The following SEMA5A variants were observed in gnomAD, a reference collection of about 807,000 sequenced individuals.
SEMA5A encodes semaphorin 5A, also known as semaphorin-5A.
In SEMA5A, 55 loss-of-function variants were observed where a neutral mutation model predicts 135.5. The ratio of observed to expected loss-of-function variants is 0.41; its 90% CI spans 0.33 to 0.51. The LOEUF is 0.51. Among genes scored for constraint, SEMA5A ranks in the 20% least tolerant of loss-of-function variants. The probability of loss-of-function intolerance (pLI) is 0.37; values close to 1 mark genes in which losing one functional copy is unlikely to be tolerated. For synonymous variants in SEMA5A, 580 were observed against 546.5 expected, an observed-to-expected ratio of 1.06 and a Z score of -0.85; for missense variants, 1,290 against 1,419.9, an observed-to-expected ratio of 0.91 and a Z score of 1.47.
At chr5:9,087,252 A>AC (rs1481689277) in intron 16 of SEMA5A, among the ~76,000 whole-genome samples, 2 of 152,252 alleles carry the variant, frequency 1.3e-5, no homozygotes, top group Non-Finnish European at 2.9e-5. Context: ...ATTGCAATTA[A>AC]AATAGTCAGG....
intron 1 of SEMA5A, among the ~76,000 whole-genome samples, chr5:9,482,894 T>C (rs1759929668): frequency 6.6e-6 from 1 of 152,234 alleles, no homozygotes; most frequent in Admixed American, 6.5e-5. Context: ...AGAAACTGAA[T>C]GGAGATTGTT....
chr5:9,067,390 C>T (rs962794611), intron 16 of SEMA5A, among the ~76,000 whole-genome samples: 4 of 152,076 alleles, frequency 2.6e-5, no homozygotes, highest in African/African-American at 9.7e-5. Flanking sequence ...GCTGCAGACA[C>T]AGAGCCCAAC....
chr5:9,334,436 A>G (rs923365144), intron 4 of SEMA5A, among the ~76,000 whole-genome samples: 1 of 152,182 alleles, frequency 6.6e-6, no homozygotes, highest in African/African-American at 2.4e-5. Context: ...TGAAATTCCT[A>G]TTCTCTTCTT....
chr5:9,331,400 GT>G (rs1426441897), intron 4 of SEMA5A, among the ~76,000 whole-genome samples: 1 of 152,206 alleles, frequency 6.6e-6, no homozygotes, highest in Non-Finnish European at 1.5e-5. Context: ...TATATGCTAT[GT>G]TAAAATAATT....
intron 1 of SEMA5A, among the ~76,000 whole-genome samples, chr5:9,503,928 AT>A (rs1176345552): frequency 7.9e-5 from 12 of 152,154 alleles, no homozygotes; most frequent in Admixed American, 7.9e-4. Context: ...AACGAAATAC[AT>A]TTCACGGCTG....
intron 1 of SEMA5A, among the ~76,000 whole-genome samples, chr5:9,527,218 C>A (rs534699934): frequency 1.3e-5 from 2 of 152,068 alleles, no homozygotes; most frequent in Admixed American, 6.5e-5. Context: ...ACCTAGGAGA[C>A]CCCTCAGAGC....
chr5:9,094,804 T>C lies in SEMA5A; in HGVS notation c.2073+13336A>G, dbSNP rs558533024. Among the ~76,000 whole-genome samples the C allele has an allele frequency of 3.5e-4, 54 of 152,290 alleles. 1 individual carries two copies. The highest frequency in any genetic ancestry group is 1.1e-3 in the African/African-American group (44 of 41,564). On this transcript the variant is annotated intron_variant, in intron 16 of 22. Transcript: ENST00000382496. ...ATGTGGAAAACACTTTACATCATGATAGAAGCAAGATGCCAAATAATAGTG... is the reference window on the plus strand; with the variant it reads ...ATGTGGAAAACACTTTACATCATGACAGAAGCAAGATGCCAAATAATAGTG...
chr5:9,111,307 A>G (rs1483848803), intron 15 of SEMA5A, among the ~76,000 whole-genome samples: 1 of 152,142 alleles, frequency 6.6e-6, no homozygotes, highest in African/African-American at 2.4e-5. Flanking sequence ...AAAAATGGGT[A>G]TGGAAGGCAG....
chr5:9,281,102 T>C (rs1750519072), intron 5 of SEMA5A, among the ~76,000 whole-genome samples: 1 of 152,206 alleles, frequency 6.6e-6, no homozygotes, highest in Admixed American at 6.5e-5. Flanking sequence ...AGATGAGTTA[T>C]CAGAATTTCA....
chr5:9,487,828 T>C (rs1186097289), intron 1 of SEMA5A, among the ~76,000 whole-genome samples: 1 of 152,310 alleles, frequency 6.6e-6, no homozygotes, highest in Non-Finnish European at 1.5e-5. Flanking sequence ...TATGTTGTTA[T>C]ATATGAATGA....
chr5:9,064,962 T>G (rs548894568), intron 17 of SEMA5A, among the ~76,000 whole-genome samples: 1 of 152,368 alleles, frequency 6.6e-6, no homozygotes, highest in East Asian at 1.9e-4. Context: ...TATCTTTCTC[T>G]TGGTATTTCA....
At chr5:9,159,340 T>C (rs762878804) in intron 11 of SEMA5A, among the ~76,000 whole-genome samples, 2 of 152,118 alleles carry the variant, frequency 1.3e-5, no homozygotes, top group Non-Finnish European at 2.9e-5. Flanking sequence ...GGGGAAGAGG[T>C]AGTTGTGCTT....
intron 8 of SEMA5A, among the ~76,000 whole-genome samples, chr5:9,206,020 G>C (rs1318915401): frequency 2.0e-5 from 3 of 152,142 alleles, no homozygotes; most frequent in African/African-American, 7.2e-5. Context: ...AGTCTTGCCA[G>C]GCAGGATGAT....
intron 5 of SEMA5A, among the ~76,000 whole-genome samples, chr5:9,290,430 C>T (rs992906923): frequency 5.3e-5 from 8 of 152,022 alleles, no homozygotes; most frequent in African/African-American, 1.9e-4. Flanking sequence ...TTTTCTTTAT[C>T]TACTTGTTGA....
chr5:9,138,855 C>A (rs1814177), intron 12 of SEMA5A, among the ~76,000 whole-genome samples: 1 of 152,148 alleles, frequency 6.6e-6, no homozygotes, highest in Non-Finnish European at 1.5e-5. Context: ...GAACATGCGA[C>A]GTTTGCTTTT....
intron 6 of SEMA5A, among the ~76,000 whole-genome samples, chr5:9,231,196 T>C (rs1449606422): frequency 6.6e-6 from 1 of 152,110 alleles, no homozygotes; most frequent in Non-Finnish European, 1.5e-5. Context: ...CTGGGCACGG[T>C]GGTTCCATGC....
chr5:9,370,919 A>G (rs1755109629), intron 3 of SEMA5A, among the ~76,000 whole-genome samples: 1 of 152,242 alleles, frequency 6.6e-6, no homozygotes, highest in Admixed American at 6.5e-5. Flanking sequence ...TACCTTCAGT[A>G]TGACAAACAG....
intron 18 of SEMA5A, among the ~76,000 whole-genome samples, chr5:9,060,187 C>T (rs566913645): frequency 6.6e-6 from 1 of 152,330 alleles, no homozygotes; most frequent in South Asian, 2.1e-4. Context: ...CAACACTCTG[C>T]AGAATCTTGG....
intron 11 of SEMA5A, among the ~76,000 whole-genome samples, chr5:9,187,772 C>T (rs1359302365): frequency 3.9e-5 from 6 of 152,134 alleles, no homozygotes; most frequent in Non-Finnish European, 5.9e-5. Flanking sequence ...AATGCATTTG[C>T]CAAATGGCAC....
Sources: allele counts gnomAD v4.1 joint callset (sites outside exome capture counted in the v4.1 genomes callset), GRCh38; gene constraint gnomAD v4.1.1; transcripts MANE v1.5; gene names NCBI Gene and HGNC (gene_info 2026-07-23, HGNC 2026-07-21).